Variants in CYYR1 observed in about 807,000 individuals in gnomAD.
The protein encoded by CYYR1 is cysteine and tyrosine-rich protein 1.
Under a neutral mutation model 15.2 loss-of-function variants are expected in CYYR1, and 14 were observed. The observed-to-expected ratio is 0.92, with a 90% CI of 0.61 to 1.44. CYYR1 has a LOEUF of 1.44. CYYR1 is among the 40% of genes most tolerant of loss of function. The pLI, the probability that CYYR1 is intolerant of heterozygous loss-of-function variation, is 0.00. For synonymous variants in CYYR1, 80 were observed against 77.4 expected, an observed-to-expected ratio of 1.03 and a Z score of -0.18; for missense variants, 228 against 209.5, an observed-to-expected ratio of 1.09 and a Z score of -0.54.
intron 2 of CYYR1, among the ~76,000 whole-genome samples, chr21:26,523,974 A>C (rs2065833265): frequency 6.6e-6 from 1 of 152,210 alleles, no homozygotes; most frequent in Non-Finnish European, 1.5e-5. Flanking sequence ...TGGCTCAATG[A>C]ATGAGCTTTT....
chr21:26,518,844 G>C (rs968928801), intron 2 of CYYR1, among the ~76,000 whole-genome samples: 1 of 152,152 alleles, frequency 6.6e-6, no homozygotes, highest in African/African-American at 2.4e-5. Context: ...CAGGATCAGG[G>C]TATCACAATG....
chr21:26,478,805 G>A (rs951623846), intron 3 of CYYR1, among the ~76,000 whole-genome samples: 1 of 152,116 alleles, frequency 6.6e-6, no homozygotes, highest in Non-Finnish European at 1.5e-5. Context: ...CTCACTGTGA[G>A]AAGTAGTCAA....
At chr21:26,533,519 C>A (rs777131751) in intron 2 of CYYR1, among the ~76,000 whole-genome samples, 12 of 152,098 alleles carry the variant, frequency 7.9e-5, no homozygotes, top group Non-Finnish European at 1.2e-4. Flanking sequence ...CCCTCCTCTG[C>A]CTTTTTGTTC....
intron 2 of CYYR1, among the ~76,000 whole-genome samples, chr21:26,526,250 C>T (rs2065864201): frequency 6.6e-6 from 1 of 152,088 alleles, no homozygotes. Flanking sequence ...GAGTTCGAAA[C>T]CAGCCTGGCC....
At position 26,573,107 on chromosome 21, in the gene CYYR1, T is replaced by C. The variant is rs2123758944; in HGVS notation, c.-167A>G. The C allele has an allele frequency of 6.6e-7, 1 of 1,506,402 alleles. No individual in the cohort carries two copies. The allele number at this position is 1,506,402 out of a possible 1,614,324, so 93.3% of individuals were successfully genotyped here. On this transcript the variant is annotated 5_prime_UTR_variant, in exon 1 of 4. Transcript: ENST00000652641. ...TCCAAGGGAGCCCGGGCCGGGCGCG[T>C]CCCGGGCCAGCGACTGCGGGACTCC...
intron 2 of CYYR1, among the ~76,000 whole-genome samples, chr21:26,501,988 A>G (rs2065487418): frequency 6.6e-6 from 1 of 152,226 alleles, no homozygotes; most frequent in Admixed American, 6.5e-5. Context: ...AGAAATATGA[A>G]TAATATCTGA....
At chr21:26,472,984 T>G (rs2065054578) in intron 3 of CYYR1, among the ~76,000 whole-genome samples, 1 of 152,176 alleles carries the variant, frequency 6.6e-6, no homozygotes, top group South Asian at 2.1e-4. Context: ...TTTTAAATAT[T>G]GGTTAGGCCG....
intron 2 of CYYR1, among the ~76,000 whole-genome samples, chr21:26,527,939 T>C (rs1327346869): frequency 2.6e-5 from 4 of 152,154 alleles, no homozygotes; most frequent in Non-Finnish European, 5.9e-5. Context: ...AAGTGTCATA[T>C]AGAAATTTCA....
chr21:26,524,627 T>TTAC (rs2065841929), intron 2 of CYYR1, among the ~76,000 whole-genome samples: 1 of 151,746 alleles, frequency 6.6e-6, no homozygotes, highest in African/African-American at 2.4e-5. Flanking sequence ...AGCCAACCAC[T>TTAC]TAGTAATGTC....
intron 3 of CYYR1, chr21:26,477,972 C>A: frequency 2.1e-6 from 3 of 1,443,972 alleles, no homozygotes; most frequent in South Asian, 1.6e-5. Flanking sequence ...AACTTAAAGT[C>A]AATTCCCTAG....
intron 2 of CYYR1, among the ~76,000 whole-genome samples, chr21:26,525,992 A>G (rs1267872187): frequency 1.9e-5 from 2 of 103,290 alleles, no homozygotes; most frequent in Admixed American, 1.0e-4. Flanking sequence ...ACAGACAGGA[A>G]CAATGGACAC....
chr21:26,497,188 G>A (rs974604128), intron 2 of CYYR1, among the ~76,000 whole-genome samples: 8 of 152,082 alleles, frequency 5.3e-5, no homozygotes, highest in South Asian at 2.1e-4. Flanking sequence ...GATTTAATTC[G>A]ATAAGGGGCC....
At chr21:26,493,200 G>C (rs1166842523) in intron 2 of CYYR1, among the ~76,000 whole-genome samples, 3 of 152,070 alleles carry the variant, frequency 2.0e-5, no homozygotes. Context: ...GTTTGGGTGG[G>C]GTCTTCTGGA....
At chr21:26,487,808 T>C (rs1256398840) in intron 2 of CYYR1, among the ~76,000 whole-genome samples, 2 of 152,070 alleles carry the variant, frequency 1.3e-5, no homozygotes, top group East Asian at 1.9e-4. Flanking sequence ...AACCATAATA[T>C]CGAATAGTTA....
chr21:26,472,596 T>C (rs960095408), intron 3 of CYYR1, among the ~76,000 whole-genome samples: 17 of 152,094 alleles, frequency 1.1e-4, no homozygotes, highest in Admixed American at 1.0e-3. Flanking sequence ...TCATATTGAG[T>C]GAATTTTTTG....
chr21:26,512,649 T>C (rs898642846), intron 2 of CYYR1, among the ~76,000 whole-genome samples: 1 of 152,230 alleles, frequency 6.6e-6, no homozygotes, highest in East Asian at 1.9e-4. Context: ...TTTTGTGAAA[T>C]TCAAATTTCA....
intron 2 of CYYR1, among the ~76,000 whole-genome samples, chr21:26,534,071 G>A (rs1469558198): frequency 6.6e-6 from 1 of 152,068 alleles, no homozygotes; most frequent in Non-Finnish European, 1.5e-5. Flanking sequence ...ATCAGTTTCA[G>A]CCATTTGTCA....
intron 1 of CYYR1, among the ~76,000 whole-genome samples, chr21:26,571,362 A>G (rs1980997526): frequency 6.6e-6 from 1 of 152,246 alleles, no homozygotes; most frequent in African/African-American, 2.4e-5. Context: ...AAGAGAAATG[A>G]ATGGACTGAA....
rs2065190988 is a variant in CYYR1, at chr21:26,482,244, A to G, written c.177-1815T>C. On this transcript the variant is annotated intron_variant, in intron 2 of 3. Coordinates refer to ENST00000652641, the MANE Select transcript of CYYR1 (RefSeq NM_001320768.2). ...GTACCATAGTTAACTTTTACAAATT[A>G]TTATCGCATTTATTTTACAACTTAC... 4 of 931,164 alleles carry G rather than the reference A, an allele frequency of 4.3e-6. No individual in the cohort carries two copies. The South Asian group carries it at 2.0e-4, about 46-fold the overall frequency. The allele number at this position is 931,164 out of a possible 1,614,324, so 57.7% of individuals were successfully genotyped here. A position where few individuals can be genotyped will look rare whatever the true frequency, so the allele number is the denominator to read the frequency against.
Sources: gnomAD v4.1 joint callset for allele counts (sites outside exome capture counted in the v4.1 genomes callset) on GRCh38, gnomAD v4.1.1 for gene constraint, MANE v1.5 for transcripts, NCBI Gene and HGNC (gene_info 2026-07-23, HGNC 2026-07-21) for gene names.